Variants in RBFOX1 observed in about 807,000 individuals in gnomAD.
RBFOX1 encodes the protein RNA binding protein fox-1 homolog 1.
A neutral mutation model predicts 57.7 loss-of-function variants in RBFOX1; 8 were observed. The ratio of observed to expected loss-of-function variants is 0.14; its 90% CI spans 0.08 to 0.25. The LOEUF is 0.25. Ranked by LOEUF, RBFOX1 falls within the 10% of genes least tolerant of loss-of-function variation. The probability of loss-of-function intolerance (pLI) is 1.00; values close to 1 mark genes in which losing one functional copy is unlikely to be tolerated. For missense variants in RBFOX1, 611 were observed against 548.5 expected (o/e 1.11, Z -1.14); for synonymous variants, 326 against 222.4 (o/e 1.47, Z -4.15).
chr16:7,081,277 CACCA>C (rs2059155695), intron 4 of RBFOX1, among the ~76,000 whole-genome samples: 1 of 152,216 alleles, frequency 6.6e-6, no homozygotes, highest in African/African-American at 2.4e-5. Flanking sequence ...TCAAGTGATC[CACCA>C]GCCTTGGCCT....
chr16:6,781,495 G>A (rs1241414168), intron 3 of RBFOX1, among the ~76,000 whole-genome samples: 1 of 152,006 alleles, frequency 6.6e-6, no homozygotes. Context: ...AGTTTGAATA[G>A]AATTGGTATT....
chr16:7,158,084 C>A (rs976344801), intron 4 of RBFOX1, among the ~76,000 whole-genome samples: 1 of 152,216 alleles, frequency 6.6e-6, no homozygotes, highest in African/African-American at 2.4e-5. Flanking sequence ...CGCGGTAGCT[C>A]AAGCCTGTAA....
intron 5 of RBFOX1, among the ~76,000 whole-genome samples, chr16:7,530,634 G>A (rs2079822154): frequency 1.3e-5 from 2 of 152,116 alleles, no homozygotes; most frequent in African/African-American, 4.8e-5. Context: ...TTACTTCTGG[G>A]TCAGGACACT....
chr16:6,958,345 A>C (rs559346889), intron 3 of RBFOX1, among the ~76,000 whole-genome samples: 1 of 152,310 alleles, frequency 6.6e-6, no homozygotes, highest in South Asian at 2.1e-4. Flanking sequence ...TGAATCCTCA[A>C]GTAGCATTTT....
chr16:7,139,734 A>T (rs2073132584), intron 4 of RBFOX1, among the ~76,000 whole-genome samples: 1 of 152,168 alleles, frequency 6.6e-6, no homozygotes. Context: ...AAGAGGTTGA[A>T]GACTGAGAAA....
chr16:6,153,722 G>T (rs955566354), intron 1 of RBFOX1, among the ~76,000 whole-genome samples: 1 of 152,108 alleles, frequency 6.6e-6, no homozygotes, highest in Non-Finnish European at 1.5e-5. Context: ...TTTTAGTAGA[G>T]ACAGGGTTTC....
exon 3 of RBFOX1, chr16:5,599,905 A>G (rs958704549): frequency 6.6e-6 from 1 of 152,228 alleles, no homozygotes; most frequent in Non-Finnish European, 1.5e-5. Context: ...AATGGATCAC[A>G]CCTATAATCC....
At chr16:7,061,085 T>C (rs963964515) in intron 4 of RBFOX1, among the ~76,000 whole-genome samples, 2 of 152,024 alleles carry the variant, frequency 1.3e-5, no homozygotes, top group African/African-American at 4.8e-5. Context: ...AGAAGTTTGC[T>C]TGCTTTAATC....
chr16:7,591,909 C>T (rs2094460504), intron 7 of RBFOX1, among the ~76,000 whole-genome samples: 1 of 152,206 alleles, frequency 6.6e-6, no homozygotes, highest in Non-Finnish European at 1.5e-5. Flanking sequence ...CACCCGCTCT[C>T]AAGGTTGCCT....
chr16:7,421,100 G>A (rs572261629), intron 4 of RBFOX1, among the ~76,000 whole-genome samples: 1 of 151,984 alleles, frequency 6.6e-6, no homozygotes, highest in South Asian at 2.1e-4. Context: ...TTCTACGGTT[G>A]GCTTTTCTTG....
chr16:7,444,582 G>C (rs765640721), intron 4 of RBFOX1, among the ~76,000 whole-genome samples: 14 of 152,038 alleles, frequency 9.2e-5, no homozygotes, highest in South Asian at 2.1e-4. Flanking sequence ...TCCCAAGCTA[G>C]ACTGCAGTGG....
intron 2 of RBFOX1, among the ~76,000 whole-genome samples, chr16:6,448,156 C>T (rs199511624): frequency 1.6e-3 from 129 of 78,420 alleles, no homozygotes; most frequent in East Asian, 3.2e-3. Context: ...TCTTTTCTTT[C>T]TTTTTTTTTT....
intron 1 of RBFOX1, among the ~76,000 whole-genome samples, chr16:6,116,906 G>C (rs186659046): frequency 2.1e-4 from 32 of 152,286 alleles, no homozygotes; most frequent in Admixed American, 1.8e-3. Flanking sequence ...GAAATTGGGA[G>C]ACAGAGGGAG....
At chr16:5,855,369 G>A (rs1469546355) in intron 3 of RBFOX1, among the ~76,000 whole-genome samples, 2 of 152,154 alleles carry the variant, frequency 1.3e-5, no homozygotes, top group Non-Finnish European at 2.9e-5. Flanking sequence ...TTATGTTTGA[G>A]TCTTTAATCC....
chr16:5,509,390 C>T (rs1449546363), intron 2 of RBFOX1, among the ~76,000 whole-genome samples: 1 of 152,210 alleles, frequency 6.6e-6, no homozygotes, highest in Non-Finnish European at 1.5e-5. Flanking sequence ...ACCGACATCT[C>T]TTTCACCCAT....
chr16:7,020,734 C>G (rs963161467), intron 3 of RBFOX1, among the ~76,000 whole-genome samples: 2 of 152,212 alleles, frequency 1.3e-5, no homozygotes, highest in African/African-American at 2.4e-5. Flanking sequence ...ATGTCCTTCC[C>G]TCTGAGAACC....
At chr16:6,850,382 T>A (rs1019857276) in intron 3 of RBFOX1, among the ~76,000 whole-genome samples, 2 of 152,128 alleles carry the variant, frequency 1.3e-5, no homozygotes, top group African/African-American at 4.8e-5. Flanking sequence ...CCTACTTAGG[T>A]AGGTTGGTCC....
intron 1 of RBFOX1, among the ~76,000 whole-genome samples, chr16:6,225,525 C>T (rs1165907320): frequency 6.6e-6 from 1 of 152,138 alleles, no homozygotes; most frequent in Non-Finnish European, 1.5e-5. Flanking sequence ...AAAAGTCAAT[C>T]CTTTCCCCCA....
chr16:5,571,215 C>CTTTTTTTTTTTTTTTTT (rs34409151), intron 2 of RBFOX1, among the ~76,000 whole-genome samples: 1 of 79,830 alleles, frequency 1.3e-5, no homozygotes, highest in Non-Finnish European at 2.2e-5. Flanking sequence ...CCATCTTTGA[C>CTTTTTTTTTTTTTTTTT]TTTTTTTTTT....
Sources: allele counts gnomAD v4.1 joint callset (sites outside exome capture counted in the v4.1 genomes callset), GRCh38; gene constraint gnomAD v4.1.1; transcripts MANE v1.5; gene names NCBI Gene and HGNC (gene_info 2026-07-23, HGNC 2026-07-21).